Variants in RBKS observed in about 807,000 individuals in gnomAD.
The protein encoded by RBKS is ribokinase.
RBKS carries 33 observed loss-of-function variants against 33.9 expected under a neutral mutation model. That is an observed-to-expected ratio of 0.97 (90% confidence interval 0.74 to 1.30). The LOEUF is 1.30. RBKS is among the 50% of genes most tolerant of loss of function. The pLI is 0.00. For missense variants in RBKS, 361 were observed against 392.6 expected, an observed-to-expected ratio of 0.92 and a Z score of 0.68; for synonymous variants, 125 against 143.0, an observed-to-expected ratio of 0.87 and a Z score of 0.90.
intron 1 of RBKS, among the ~76,000 whole-genome samples, chr2:27,876,657 A>G (rs1376821738): frequency 6.6e-6 from 1 of 152,106 alleles, no homozygotes. Flanking sequence ...CCAGGGGCTG[A>G]GGGGAGGAGG....
chr2:27,852,536 G>A (rs1663770749), intron 2 of RBKS, among the ~76,000 whole-genome samples: 1 of 152,168 alleles, frequency 6.6e-6, no homozygotes, highest in Non-Finnish European at 1.5e-5. Flanking sequence ...AAGCTAAGGA[G>A]GGCAACTTCA....
At chr2:27,818,667 T>C (rs1678143493) in intron 7 of RBKS, among the ~76,000 whole-genome samples, 1 of 152,228 alleles carries the variant, frequency 6.6e-6, no homozygotes, top group African/African-American at 2.4e-5. Context: ...TCCAGCATGA[T>C]GCCTGGCACA....
rs138354680 is a variant in RBKS at position 27,795,409 on chromosome 2, C to A, written c.796-13621G>T. ...CATTACATCCAACAGTGGAAAAACT[C>A]TTTGAAATTTAAACATAAAAGGGGC... On this transcript the variant is annotated intron_variant, in intron 7 of 7. Coordinates refer to ENST00000302188, the MANE Select transcript of RBKS (RefSeq NM_022128.3). The surrounding 1 kb of genome is among the most constrained non-coding windows in gnomAD (Gnocchi z 4.1). Among the ~76,000 whole-genome samples, 1 of 152,236 alleles carries A rather than the reference C, an allele frequency of 6.6e-6. No homozygotes were observed. The highest frequency in any genetic ancestry group is 1.9e-4 in the East Asian group (1 of 5,182).
chr2:27,866,878 A>G (rs1028350194), intron 1 of RBKS, among the ~76,000 whole-genome samples: 11 of 152,036 alleles, frequency 7.2e-5, no homozygotes, highest in African/African-American at 2.7e-4. Context: ...CTGAGGTGGG[A>G]GGATTGTTTG....
At chr2:27,884,241 T>G (rs1664478721) in intron 1 of RBKS, among the ~76,000 whole-genome samples, 1 of 152,142 alleles carries the variant, frequency 6.6e-6, no homozygotes, top group Non-Finnish European at 1.5e-5. Context: ...ATAGGTACAG[T>G]ATAACTCTCT....
chr2:27,848,078 C>T lies in RBKS; in HGVS notation c.242G>A (p.Gly81Asp), dbSNP rs1246505337. 6 of 1,502,702 alleles carry T rather than the reference C, an allele frequency of 4.0e-6. No homozygotes were observed. The highest frequency in any genetic ancestry group is 1.8e-5 in the Admixed American group (1 of 56,994). The allele number at this position is 1,502,702 out of a possible 1,614,324, so 93.1% of individuals were successfully genotyped here. A position where few individuals can be genotyped will look rare whatever the true frequency, so the allele number is the denominator to read the frequency against. Residue 81 changes from glycine to aspartate, a missense_variant, in exon 3 of 8, where the codon GGC (glycine) becomes GAC (aspartate). Transcript: ENST00000302188. Reference sequence around the variant, plus strand: ...TTTTAAGTTTTCTATATAATCATTGCCAAAAGAATCTTTGCCAACCTGTAC... The same window carrying T: ...TTTTAAGTTTTCTATATAATCATTGTCAAAAGAATCTTTGCCAACCTGTAC... Reference protein sequence around the residue: ...MVCKVGKDSFGNDYIENLKQN... With the variant: ...MVCKVGKDSFDNDYIENLKQN...
chr2:27,840,386 A>C (rs1019606555), intron 5 of RBKS, among the ~76,000 whole-genome samples: 1 of 150,960 alleles, frequency 6.6e-6, no homozygotes, highest in Non-Finnish European at 1.5e-5. Context: ...ACACACACAC[A>C]CACACACACC....
At chr2:27,841,206 C>T (rs1421960744) in intron 5 of RBKS, among the ~76,000 whole-genome samples, 1 of 152,126 alleles carries the variant, frequency 6.6e-6, no homozygotes, top group Non-Finnish European at 1.5e-5. Context: ...CCGGATTACT[C>T]TATTCTCACC....
At chr2:27,871,318 G>C (rs1184451052) in intron 1 of RBKS, among the ~76,000 whole-genome samples, 1 of 152,220 alleles carries the variant, frequency 6.6e-6, no homozygotes, top group Non-Finnish European at 1.5e-5. Context: ...AATGCGAGGT[G>C]CTTGGTCTCC....
intron 1 of RBKS, among the ~76,000 whole-genome samples, chr2:27,863,300 C>T (rs998413227): frequency 2.0e-5 from 3 of 152,226 alleles, no homozygotes; most frequent in South Asian, 2.1e-4. Context: ...TGAGAGGCCA[C>T]GTGGTTAGAG....
chr2:27,821,743 G>C (rs1678215083), intron 7 of RBKS, among the ~76,000 whole-genome samples: 1 of 152,198 alleles, frequency 6.6e-6, no homozygotes. Context: ...TGTGTCAATA[G>C]AGTAAGTCTC....
chr2:27,782,928 GTTC>G (rs1677317983), intron 7 of RBKS, among the ~76,000 whole-genome samples: 1 of 152,100 alleles, frequency 6.6e-6, no homozygotes, highest in African/African-American at 2.4e-5. Context: ...ATTATTGGGA[GTTC>G]TTCTGCATGG....
intron 5 of RBKS, among the ~76,000 whole-genome samples, chr2:27,835,311 C>T (rs942084561): frequency 1.3e-5 from 2 of 151,368 alleles, no homozygotes; most frequent in African/African-American, 4.9e-5. Flanking sequence ...AATTATGACA[C>T]GTCTGATGTA....
intron 7 of RBKS, among the ~76,000 whole-genome samples, chr2:27,787,094 T>A (rs756962205): frequency 2.0e-5 from 3 of 152,170 alleles, no homozygotes; most frequent in Non-Finnish European, 4.4e-5. Context: ...ACTCAAGCAA[T>A]CCTTCCACCT....
At chr2:27,833,721 A>G (rs1678466545) in intron 5 of RBKS, among the ~76,000 whole-genome samples, 1 of 152,206 alleles carries the variant, frequency 6.6e-6, no homozygotes, top group Non-Finnish European at 1.5e-5. Context: ...ACAATATTTT[A>G]AAACACCCTT....
At chr2:27,823,527 C>G (rs949487163) in intron 7 of RBKS, among the ~76,000 whole-genome samples, 3 of 152,114 alleles carry the variant, frequency 2.0e-5, no homozygotes, top group Non-Finnish European at 2.9e-5. Context: ...ACCCTCCTGA[C>G]AGAAAAGTGA....
At chr2:27,878,097 T>G (rs1276133624) in intron 1 of RBKS, among the ~76,000 whole-genome samples, 1 of 151,972 alleles carries the variant, frequency 6.6e-6, no homozygotes, top group Admixed American at 6.6e-5. Flanking sequence ...TAGTTACATA[T>G]GTATACATGT....
At chr2:27,791,990 T>C (rs1677536016) in intron 7 of RBKS, among the ~76,000 whole-genome samples, 1 of 152,206 alleles carries the variant, frequency 6.6e-6, no homozygotes, top group South Asian at 2.1e-4. Flanking sequence ...ATACAACTTA[T>C]TTTTTAAGAA....
At chr2:27,807,175 C>A (rs1677912432) in intron 7 of RBKS, among the ~76,000 whole-genome samples, 1 of 152,204 alleles carries the variant, frequency 6.6e-6, no homozygotes, top group African/African-American at 2.4e-5. Flanking sequence ...AAAGGAAGAA[C>A]ACTCTTGCAT....
Sources: gnomAD v4.1 joint callset for allele counts (sites outside exome capture counted in the v4.1 genomes callset) on GRCh38, gnomAD v4.1.1 for gene constraint, Gnocchi (gnomAD v3.1) non-coding constraint, MANE v1.5 for transcripts, NCBI Gene and HGNC (gene_info 2026-07-23, HGNC 2026-07-21) for gene names.